PXDNL: variants seen among roughly 807,000 people sequenced by gnomAD.
PXDNL encodes peroxidasin like, also known as probable oxidoreductase PXDNL.
Under a neutral mutation model 150.8 loss-of-function variants are expected in PXDNL, and 145 were observed. The ratio of observed to expected loss-of-function variants is 0.96; its 90% CI spans 0.84 to 1.10. PXDNL has a LOEUF of 1.10. PXDNL is among the 50% of genes least tolerant of loss of function. PXDNL has a pLI of 0.00. For missense variants in PXDNL, 2,087 were observed against 1,873.9 expected (o/e 1.11, Z -2.10); for synonymous variants, 757 against 725.7 (o/e 1.04, Z -0.69).
chr8:51,595,606 A>T (rs1813546419), intron 2 of PXDNL, among the ~76,000 whole-genome samples: 1 of 152,162 alleles, frequency 6.6e-6, no homozygotes, highest in Admixed American at 6.5e-5. Context: ...GCTACTGTTA[A>T]CATGAAAGGG....
chr8:51,718,286 C>T (rs537821423), intron 1 of PXDNL, among the ~76,000 whole-genome samples: 7 of 152,066 alleles, frequency 4.6e-5, no homozygotes, highest in African/African-American at 1.7e-4. Flanking sequence ...GGGGGAGGAG[C>T]TGGGAGATTG....
chr8:51,600,195 C>T (rs914664394), intron 2 of PXDNL, among the ~76,000 whole-genome samples: 11 of 140,798 alleles, frequency 7.8e-5, no homozygotes, highest in Admixed American at 4.3e-4. Context: ...TAAATTATAT[C>T]GTTTAGATAA....
chr8:51,398,050 G>C (rs1489788169), intron 17 of PXDNL, among the ~76,000 whole-genome samples: 1 of 152,174 alleles, frequency 6.6e-6, no homozygotes, highest in African/African-American at 2.4e-5. Flanking sequence ...TCTGGCTATG[G>C]TGTGATGGAA....
At chr8:51,358,806 T>C (rs1213982975) in intron 19 of PXDNL, among the ~76,000 whole-genome samples, 1 of 152,088 alleles carries the variant, frequency 6.6e-6, no homozygotes, top group Non-Finnish European at 1.5e-5. Flanking sequence ...CATAGGAATA[T>C]AGAGGCCACA....
chr8:51,466,886 C>CA (rs1349448945), intron 8 of PXDNL, among the ~76,000 whole-genome samples: 1 of 152,034 alleles, frequency 6.6e-6, no homozygotes, highest in Non-Finnish European at 1.5e-5. Context: ...ATTAAAAAGT[C>CA]AAAAAATAAC....
intron 4 of PXDNL, among the ~76,000 whole-genome samples, chr8:51,509,767 CACACACAA>C (rs1178034170): frequency 7.8e-6 from 1 of 129,006 alleles, no homozygotes; most frequent in Admixed American, 8.0e-5. Flanking sequence ...CACACACACA[CACACACAA>C]ATATATACAC....
At chr8:51,774,642 C>A (rs1270068524) in intron 1 of PXDNL, among the ~76,000 whole-genome samples, 2 of 151,966 alleles carry the variant, frequency 1.3e-5, no homozygotes, top group Admixed American at 6.6e-5. Flanking sequence ...CACAGTGAAA[C>A]CCTGTCTCTA....
chr8:51,458,802 AT>A (rs1220848433), intron 8 of PXDNL, among the ~76,000 whole-genome samples: 3 of 152,232 alleles, frequency 2.0e-5, no homozygotes, highest in African/African-American at 7.2e-5. Context: ...TTATCTAACC[AT>A]TTTTTGTTGT....
intron 2 of PXDNL, among the ~76,000 whole-genome samples, chr8:51,596,822 C>T (rs1031687155): frequency 7.2e-5 from 11 of 152,000 alleles, no homozygotes; most frequent in African/African-American, 2.7e-4. Context: ...ATCGGATGCA[C>T]AGTTTGTAGA....
intron 4 of PXDNL, among the ~76,000 whole-genome samples, chr8:51,514,525 A>T (rs567433061): frequency 9.8e-5 from 15 of 152,348 alleles, no homozygotes; most frequent in African/African-American, 3.6e-4. Context: ...TGTTTATGAT[A>T]TAATTATCTG....
At chr8:51,428,365 C>A (rs958366479) in intron 12 of PXDNL, among the ~76,000 whole-genome samples, 18 of 152,148 alleles carry the variant, frequency 1.2e-4, no homozygotes, top group African/African-American at 4.3e-4. Flanking sequence ...TCAGATTATT[C>A]TAAAATTTAT....
chr8:51,377,689 C>A (rs1807374368), intron 17 of PXDNL, among the ~76,000 whole-genome samples: 1 of 152,192 alleles, frequency 6.6e-6, no homozygotes, highest in African/African-American at 2.4e-5. Context: ...TGCACCGGGT[C>A]CCCCAGCAGT....
intron 2 of PXDNL, among the ~76,000 whole-genome samples, chr8:51,612,521 C>T (rs1292949970): frequency 2.0e-5 from 3 of 152,284 alleles, no homozygotes; most frequent in East Asian, 1.9e-4. Context: ...GTTTGTGCCC[C>T]CCACTGCCCC....
intron 20 of PXDNL, among the ~76,000 whole-genome samples, chr8:51,343,199 T>G (rs964078908): frequency 6.6e-6 from 1 of 151,890 alleles, no homozygotes; most frequent in African/African-American, 2.4e-5. Flanking sequence ...AAAGAAAAGA[T>G]AGAGAAGAGA....
At position 51,320,827 on chromosome 8, in the gene PXDNL, T is replaced by C; in HGVS notation, c.4217A>G (p.Glu1406Gly). The part of the protein sequence containing the change: ...TDVRGVPRKA[E>G]ERWMKEDCTH... ...GCAGTCTTCTTTCATCCAGCGCTCCTCGGCCTTCCTTGGAACCCCTCTAAC... is the reference window on the plus strand; with the variant it reads ...GCAGTCTTCTTTCATCCAGCGCTCCCCGGCCTTCCTTGGAACCCCTCTAAC... Residue 1406 changes from glutamate (E) to glycine (G), a missense_variant, in exon 22 of 23, where the codon GAG becomes GGG. Physicochemically the swap from Glu to Gly is moderately conservative, Grantham distance 98. Coordinates refer to ENST00000356297, the MANE Select transcript of PXDNL (RefSeq NM_144651.5). 1.9e-6 allele frequency: 3 copies of C among 1,613,990 alleles called. No homozygotes were observed. The highest frequency in any genetic ancestry group is 2.5e-6 in the Non-Finnish European group (3 of 1,179,870).
chr8:51,756,450 C>A (rs1163149868), intron 1 of PXDNL, among the ~76,000 whole-genome samples: 1 of 150,772 alleles, frequency 6.6e-6, no homozygotes, highest in Non-Finnish European at 1.5e-5. Flanking sequence ...ATGCCTGAAC[C>A]CACACAATAC....
At position 51,409,496 on chromosome 8, in the gene PXDNL, T is replaced by C. The variant is rs879008932; in HGVS notation, c.2128A>G (p.Thr710Ala). The change falls in exon 17 of 23, where the codon ACA (threonine) becomes GCA (alanine). Residue 710 changes from threonine to alanine, a missense_variant. Thr to Ala is a moderately conservative substitution (Grantham distance 58). Transcript: ENST00000356297. ...CAGTTTGGCAGAGGCCTGCGAGCTG[T>C]GCATCCAGATAAATTGGCGATGAGG... The part of the protein sequence containing the change: ...LSLIANLSGC[T>A]ARRPLPNCSN... The C allele has an allele frequency of 1.9e-6, 3 of 1,611,358 alleles. No individual in the cohort carries two copies. The highest frequency in any genetic ancestry group is 2.5e-6 in the Non-Finnish European group (3 of 1,179,226).
rs576026651 is a variant in PXDNL at position 51,699,921 on chromosome 8, C to A, written c.165-45161G>T. Among the ~76,000 whole-genome samples, 4 of 152,212 alleles carry A rather than the reference C, an allele frequency of 2.6e-5. No homozygotes were observed. The South Asian group carries it at 8.3e-4, about 32-fold the overall frequency. On this transcript the variant is annotated intron_variant, in intron 1 of 22. Coordinates refer to ENST00000356297, the MANE Select transcript of PXDNL (RefSeq NM_144651.5). Reference sequence around the variant, plus strand: ...GGTTCGTAGCACCCTAAAACAACTACAATAGCCGCATCAAAGACCACTGAC... The same window carrying A: ...GGTTCGTAGCACCCTAAAACAACTAAAATAGCCGCATCAAAGACCACTGAC...
chr8:51,618,000 C>T (rs796762663), intron 2 of PXDNL, among the ~76,000 whole-genome samples: 4 of 152,360 alleles, frequency 2.6e-5, no homozygotes, highest in African/African-American at 9.6e-5. Context: ...TTATAAAATG[C>T]CTTTTGAAGA....
Sources: allele counts gnomAD v4.1 joint callset (sites outside exome capture counted in the v4.1 genomes callset), GRCh38; gene constraint gnomAD v4.1.1; transcripts MANE v1.5; gene names NCBI Gene and HGNC (gene_info 2026-07-23, HGNC 2026-07-21).